CDH18: variants seen among roughly 807,000 people sequenced by gnomAD.
The protein encoded by CDH18 is cadherin 18.
CDH18 carries 31 observed loss-of-function variants against 67.9 expected under a neutral mutation model. That is an observed-to-expected ratio of 0.46 (90% CI 0.34 to 0.62). CDH18 has a LOEUF of 0.62. Among genes scored for constraint, CDH18 ranks in the 20% least tolerant of loss-of-function variants. The pLI, the probability that CDH18 is intolerant of heterozygous loss-of-function variation, is 0.01. For synonymous variants in CDH18, 362 were observed against 347.2 expected, an observed-to-expected ratio of 1.04 and a Z score of -0.48; for missense variants, 890 against 975.5, an observed-to-expected ratio of 0.91 and a Z score of 1.17.
At position 20,446,102 on chromosome 5, in the gene CDH18, G is replaced by A. The variant is rs574738799; in HGVS notation, c.-580+129360C>T. ...AAAAGCCCACTCAGGGAGCAAAATC[G>A]CAAGTAAATTTTATTATAATGAGCT... is the stretch of plus-strand genomic sequence containing the variant. On this transcript the variant is annotated intron_variant, in intron 1 of 14. Transcript: ENST00000507958. Among the ~76,000 whole-genome samples the A allele has an allele frequency of 5.9e-5, 9 of 152,190 alleles. No homozygotes were observed. The South Asian group carries it at 1.5e-3, about 25-fold the overall frequency.
chr5:19,848,012 T>G (rs1226237947), intron 2 of CDH18: 1 of 152,164 alleles, frequency 6.6e-6, no homozygotes, highest in African/African-American at 2.4e-5. Context: ...AGGCAGACCC[T>G]TAGGCAGCCC....
At chr5:19,743,777 T>A (rs1445433021) in intron 4 of CDH18, among the ~76,000 whole-genome samples, 3 of 151,876 alleles carry the variant, frequency 2.0e-5, no homozygotes, top group Non-Finnish European at 4.4e-5. Context: ...AAACTTTAGC[T>A]GGGCCTGGAG....
intron 1 of CDH18, among the ~76,000 whole-genome samples, chr5:20,285,530 A>G (rs1401849002): frequency 6.6e-6 from 1 of 150,904 alleles, no homozygotes; most frequent in Non-Finnish European, 1.5e-5. Context: ...AAGTTATTTG[A>G]TTTTCATTTT....
chr5:19,939,801 T>C (rs1197197599), intron 2 of CDH18, among the ~76,000 whole-genome samples: 1 of 151,870 alleles, frequency 6.6e-6, no homozygotes, highest in African/African-American at 2.4e-5. Flanking sequence ...TAATAGTTCA[T>C]AATACCATAA....
rs141110593 is a variant in CDH18, at chr5:20,293,021, A to G, written c.-579-37516T>C. On this transcript the variant is annotated intron_variant, in intron 1 of 14. Coordinates refer to the CDH18 transcript ENST00000507958. ...AACAGCTGTTAACTCTTGTGTTAAA[A>G]CTGTTCAGAGTGAGGCCAGGTGCGG... Among the ~76,000 whole-genome samples the G allele has an allele frequency of 5.6e-4, 86 of 152,274 alleles. No individual in the cohort carries two copies. In the South Asian group the frequency reaches 0.016, roughly 28 times the overall value.
chr5:19,517,389 CT>C (rs34692089), intron 10 of CDH18, among the ~76,000 whole-genome samples: 83,053 of 151,666 alleles, frequency 0.55, 23,563 homozygotes, highest in African/African-American at 0.7. Flanking sequence ...TGTAGTTTGT[CT>C]TTTTTTTATC....
At chr5:19,903,919 A>G (rs1265927974) in intron 2 of CDH18, among the ~76,000 whole-genome samples, 1 of 151,962 alleles carries the variant, frequency 6.6e-6, no homozygotes, top group Non-Finnish European at 1.5e-5. Flanking sequence ...AGATAATTTA[A>G]TGCTTCCATT....
intron 1 of CDH18, among the ~76,000 whole-genome samples, chr5:20,462,458 A>T (rs1346398309): frequency 6.6e-6 from 1 of 152,192 alleles, no homozygotes; most frequent in Non-Finnish European, 1.5e-5. Context: ...GTTAACAACA[A>T]TACACTGTAT....
chr5:19,556,583 A>T (rs1738465022), intron 8 of CDH18, among the ~76,000 whole-genome samples: 1 of 152,118 alleles, frequency 6.6e-6, no homozygotes, highest in South Asian at 2.1e-4. Flanking sequence ...AAAAGAAAAA[A>T]AAAATTTAAA....
intron 2 of CDH18, among the ~76,000 whole-genome samples, chr5:20,172,816 C>G (rs1736936702): frequency 6.6e-6 from 1 of 151,834 alleles, no homozygotes. Context: ...CATGGAGAAA[C>G]CCTGTCTCTG....
At chr5:19,856,417 C>T (rs781382039) in intron 2 of CDH18, among the ~76,000 whole-genome samples, 1 of 152,132 alleles carries the variant, frequency 6.6e-6, no homozygotes, top group Non-Finnish European at 1.5e-5. Flanking sequence ...GGCAGATGTA[C>T]AAATTTGCAT....
intron 1 of CDH18, among the ~76,000 whole-genome samples, chr5:20,367,437 T>C (rs1742613624): frequency 6.6e-6 from 1 of 152,170 alleles, no homozygotes; most frequent in African/African-American, 2.4e-5. Context: ...TGGTTCCCAG[T>C]GTCTTATGCC....
At chr5:20,353,699 G>A (rs1391633970) in intron 1 of CDH18, among the ~76,000 whole-genome samples, 1 of 152,102 alleles carries the variant, frequency 6.6e-6, no homozygotes, top group African/African-American at 2.4e-5. Flanking sequence ...TTATCTCGCA[G>A]CAATCAGCCA....
At chr5:19,523,502 A>G (rs968575450) in intron 9 of CDH18, among the ~76,000 whole-genome samples, 29 of 151,798 alleles carry the variant, frequency 1.9e-4, no homozygotes, top group African/African-American at 7.0e-4. Context: ...AGCCAACACA[A>G]TATAAAAATA....
At chr5:20,329,544 C>A (rs1014080219) in intron 1 of CDH18, among the ~76,000 whole-genome samples, 2 of 151,914 alleles carry the variant, frequency 1.3e-5, no homozygotes, top group African/African-American at 4.8e-5. Flanking sequence ...AGGCGGATCA[C>A]CTGAGGTCAG....
chr5:19,594,091 A>T (rs1745771939), intron 6 of CDH18, among the ~76,000 whole-genome samples: 1 of 152,104 alleles, frequency 6.6e-6, no homozygotes, highest in African/African-American at 2.4e-5. Flanking sequence ...ATGATATACA[A>T]AAAGAAGCCA....
At chr5:20,249,075 T>A (rs1743605021) in intron 2 of CDH18, among the ~76,000 whole-genome samples, 1 of 152,156 alleles carries the variant, frequency 6.6e-6, no homozygotes, top group Admixed American at 6.5e-5. Context: ...ATTGGAAAAG[T>A]ACAGCGAAGT....
chr5:20,471,521 G>T (rs555254672), intron 1 of CDH18, among the ~76,000 whole-genome samples: 18 of 152,094 alleles, frequency 1.2e-4, no homozygotes, highest in Non-Finnish European at 7.4e-5. Flanking sequence ...TTACAAAGCG[G>T]CAGGGCACGG....
chr5:19,490,766 AAT>A (rs1741337156), intron 11 of CDH18, among the ~76,000 whole-genome samples: 1 of 152,070 alleles, frequency 6.6e-6, no homozygotes, highest in East Asian at 1.9e-4. Context: ...TTGCTTAGTG[AAT>A]ATGAGTCAGT....
Sources: allele counts gnomAD v4.1 joint callset (sites outside exome capture counted in the v4.1 genomes callset), GRCh38; gene constraint gnomAD v4.1.1; transcripts MANE v1.5; gene names NCBI Gene and HGNC (gene_info 2026-07-23, HGNC 2026-07-21).